Variants in KIF21A observed in about 807,000 individuals in gnomAD.
KIF21A encodes the protein kinesin-like protein KIF21A.
In KIF21A, 114 loss-of-function variants were observed where a neutral mutation model predicts 202.9. The ratio of observed to expected loss-of-function variants is 0.56; its 90% CI spans 0.48 to 0.66. The LOEUF (loss-of-function observed/expected upper bound fraction) is 0.66. KIF21A is among the 30% of genes least tolerant of loss of function. KIF21A has a pLI of 0.00. For missense variants in KIF21A, 1,677 were observed against 1,994.9 expected, an observed-to-expected ratio of 0.84 and a Z score of 3.04; for synonymous variants, 667 against 670.8, an observed-to-expected ratio of 0.99 and a Z score of 0.09.
intron 21 of KIF21A, 58 bp from the exon 22 acceptor site, chr12:39,331,849 C>T: frequency 8.0e-7 from 1 of 1,242,800 alleles, no homozygotes; most frequent in South Asian, 1.2e-5. Context: ...CAGAAGGCAA[C>T]AGCCTATTGT....
At chr12:39,369,274 C>T (rs955170494) in intron 3 of KIF21A, among the ~76,000 whole-genome samples, 2 of 152,136 alleles carry the variant, frequency 1.3e-5, no homozygotes, top group African/African-American at 4.8e-5. Flanking sequence ...GCCTAGGCAA[C>T]ATGGCGAAAC....
At chr12:39,426,625 C>G (rs1954773003) in intron 1 of KIF21A, among the ~76,000 whole-genome samples, 1 of 151,654 alleles carries the variant, frequency 6.6e-6, no homozygotes, top group Non-Finnish European at 1.5e-5. Flanking sequence ...GTAATCCCAG[C>G]ACTTTGTGAG....
intron 1 of KIF21A, among the ~76,000 whole-genome samples, chr12:39,415,647 G>A (rs374291788): frequency 2.2e-4 from 34 of 152,250 alleles, no homozygotes; most frequent in African/African-American, 7.9e-4. Flanking sequence ...TAATCTGGCA[G>A]GTCATTAGAA....
intron 1 of KIF21A, among the ~76,000 whole-genome samples, chr12:39,374,635 A>C (rs1247450951): frequency 6.6e-6 from 1 of 152,144 alleles, no homozygotes; most frequent in Non-Finnish European, 1.5e-5. Flanking sequence ...GTGTTTACTG[A>C]CTTACCCCTA....
intron 30 of KIF21A, 29 bp downstream of exon 30, chr12:39,315,903 G>T (rs374258836): frequency 1.3e-4 from 199 of 1,570,488 alleles, no homozygotes; most frequent in Non-Finnish European, 1.7e-4. Context: ...TGAAATTCCA[G>T]AATGTAGGAA....
rs1284127154 is a variant in KIF21A at position 39,319,911 on chromosome 12, T to C, written c.3774A>G (p.Gln1258=). 6.3e-7 allele frequency: 1 copy of C among 1,591,000 alleles called. No homozygotes were observed. Among genetic ancestry groups the C allele is most frequent in the Non-Finnish European group, 8.6e-7 (1 of 1,161,126 alleles). The change falls in exon 28 of 38, where the codon CAA becomes CAG. Residue 1258 remains glutamine, a synonymous_variant. Transcript: ENST00000361418. Reference sequence around the variant, plus strand: ...AAAAAACATTAGTCACTTACTGCTTTTGTTCCTTGGCCTTTGATTTTTCTG... The same window carrying C: ...AAAAAACATTAGTCACTTACTGCTTCTGTTCCTTGGCCTTTGATTTTTCTG... ...EKAEKSKAKE[Q]KHSDSGTSEA... is the part of the protein sequence containing the mutation.
intron 1 of KIF21A, among the ~76,000 whole-genome samples, chr12:39,412,262 C>T (rs1953158480): frequency 2.0e-5 from 3 of 152,158 alleles, no homozygotes; most frequent in Admixed American, 1.3e-4. Flanking sequence ...AATCCAAGCA[C>T]ATGGCAACAT....
chr12:39,295,728 C>G (rs1298832798), intron 37 of KIF21A, among the ~76,000 whole-genome samples: 1 of 104,356 alleles, frequency 9.6e-6, no homozygotes, highest in South Asian at 3.4e-4. Context: ...TTGACAGAAT[C>G]TCGCTCTGTT....
At chr12:39,358,439 T>C (rs1397052942) in intron 7 of KIF21A, 66 bp from the exon 8 acceptor site, 8 of 1,405,902 alleles carry the variant, frequency 5.7e-6, no homozygotes, top group Non-Finnish European at 8.1e-6. Flanking sequence ...ATAATCATTT[T>C]TAAATTCCTA....
At chr12:39,428,588 C>T (rs534601927) in intron 1 of KIF21A, among the ~76,000 whole-genome samples, 61 of 152,156 alleles carry the variant, frequency 4.0e-4, no homozygotes, top group Non-Finnish European at 8.2e-4. Flanking sequence ...TGACTTGTCT[C>T]ATAACTACAA....
chr12:39,325,498 A>ATTTTTT (rs397714587), intron 26 of KIF21A, among the ~76,000 whole-genome samples: 24,976 of 120,102 alleles, frequency 0.21, 2,906 homozygotes, highest in African/African-American at 0.34. Flanking sequence ...CGCCCAGCTA[A>ATTTTTT]TTTTTTTTTT....
At chr12:39,369,686 G>A (rs1176708133) in intron 3 of KIF21A, 43 bp downstream of exon 3, 1 of 1,485,380 alleles carries the variant, frequency 6.7e-7, no homozygotes, top group South Asian at 1.1e-5. Context: ...CAGTCTATAA[G>A]AACAAAATTT....
intron 1 of KIF21A, among the ~76,000 whole-genome samples, chr12:39,399,423 G>T (rs1952000403): frequency 6.6e-6 from 1 of 152,204 alleles, no homozygotes; most frequent in South Asian, 2.1e-4. Context: ...TAGTTAATAA[G>T]TCTAGTATCT....
In KIF21A at chr12:39,333,228, C is replaced by T. The variant is rs558002876; in HGVS notation, c.2471G>A (p.Arg824His). The T allele has an allele frequency of 3.3e-5, 54 of 1,613,834 alleles. No homozygotes were observed. The highest frequency in any genetic ancestry group is 4.2e-5 in the Non-Finnish European group (50 of 1,179,734). Reference protein sequence around the residue: ...AQKRNQEVVLRRKTEEVTALR... With the variant: ...AQKRNQEVVLHRKTEEVTALR... The stretch of plus-strand genomic sequence containing the variant: ...TTACTGTACCTCTTCAGTTTTGCGA[C>T]GTAGAACCACTTCTTGGTTTCTTTT... The change falls in exon 18 of 38, where the codon CGT (arginine) becomes CAT (histidine). Residue 824 changes from arginine (R) to histidine (H), a missense_variant. Physicochemically the swap from Arg to His is conservative, Grantham distance 29. Coordinates refer to ENST00000361418, the MANE Select transcript of KIF21A (RefSeq NM_001173464.2).
chr12:39,327,654 A>G (rs1946087215), intron 24 of KIF21A, among the ~76,000 whole-genome samples: 1 of 152,204 alleles, frequency 6.6e-6, no homozygotes, highest in Non-Finnish European at 1.5e-5. Flanking sequence ...AGTTAGAGAT[A>G]ATGGTGTCTT....
chr12:39,328,790 C>T (rs571450918), intron 24 of KIF21A, among the ~76,000 whole-genome samples: 2 of 152,210 alleles, frequency 1.3e-5, no homozygotes, highest in Admixed American at 6.5e-5. Flanking sequence ...ACTCTCTGGC[C>T]CCAATTCAAC....
At chr12:39,313,098 G>T (rs1447095126) in intron 31 of KIF21A, among the ~76,000 whole-genome samples, 1 of 151,882 alleles carries the variant, frequency 6.6e-6, no homozygotes, top group African/African-American at 2.4e-5. Context: ...TGACAATGGA[G>T]ATTTATTCAA....
At chr12:39,393,499 C>G (rs535636205) in intron 1 of KIF21A, among the ~76,000 whole-genome samples, 2 of 152,250 alleles carry the variant, frequency 1.3e-5, no homozygotes, top group South Asian at 4.1e-4. Flanking sequence ...TGGCTGTGTT[C>G]GCAACTCCAT....
intron 1 of KIF21A, among the ~76,000 whole-genome samples, chr12:39,415,198 C>T (rs1433568447): frequency 7.4e-6 from 1 of 135,868 alleles, no homozygotes; most frequent in Non-Finnish European, 1.6e-5. Context: ...AAAATCAGGA[C>T]GGAAATTTTT....
Sources: allele counts gnomAD v4.1 joint callset (sites outside exome capture counted in the v4.1 genomes callset), GRCh38; gene constraint gnomAD v4.1.1; transcripts MANE v1.5; gene names NCBI Gene and HGNC (gene_info 2026-07-23, HGNC 2026-07-21).